The following SPATA13 variants were observed in gnomAD, a reference collection of about 807,000 sequenced individuals.
The protein encoded by SPATA13 is spermatogenesis associated 13, also known as spermatogenesis-associated protein 13.
A neutral mutation model predicts 104.0 loss-of-function variants in SPATA13; 50 were observed. That is an observed-to-expected ratio of 0.48 (90% CI 0.38 to 0.61). The LOEUF (loss-of-function observed/expected upper bound fraction) is 0.61, where lower values mean the gene tolerates loss of function less well. Among genes scored for constraint, SPATA13 ranks in the 20% least tolerant of loss-of-function variants. The probability of loss-of-function intolerance (pLI) is 0.00; values close to 1 mark genes in which losing one functional copy is unlikely to be tolerated. For missense variants in SPATA13, 1,524 were observed against 1,690.6 expected, an observed-to-expected ratio of 0.90 and a Z score of 1.73; for synonymous variants, 606 against 667.5, an observed-to-expected ratio of 0.91 and a Z score of 1.42.
In SPATA13 at chr13:24,271,173, T is replaced by A. The variant is rs190805665; in HGVS notation, c.2165-12962T>A. Among the ~76,000 whole-genome samples the A allele has an allele frequency of 2.3e-3, 356 of 152,064 alleles. 1 individual carries two copies. The highest frequency in any genetic ancestry group is 4.2e-3 in the Admixed American group (64 of 15,272). On this transcript the variant is annotated intron_variant, in intron 4 of 12. Coordinates refer to ENST00000382108, the MANE Select transcript of SPATA13 (RefSeq NM_001166271.3). The stretch of plus-strand genomic sequence containing the variant: ...TGTGGACATAGTCAGTTGAAGAAAT[T>A]GGTTTTGTTTATGGCACAGTTGCTT...
Position 24,011,686 on chromosome 13 carries a change from T to A in SPATA13, c.-146-5981T>A, listed in dbSNP as rs1876477281. On this transcript the variant is annotated intron_variant, in intron 2 of 14. Transcript: ENST00000424834. This position sits in a 1 kb window ranked among gnomAD's most constrained non-coding sequence, Gnocchi z 4.3. Reference sequence around the variant, plus strand: ...GTGGCTGAAAACACCAGGCTCTAACTCTACTAGTTAAGCAGGAGCCTGGGA... The same window carrying A: ...GTGGCTGAAAACACCAGGCTCTAACACTACTAGTTAAGCAGGAGCCTGGGA... Among the ~76,000 whole-genome samples, 1 of 152,300 alleles carries A rather than the reference T, an allele frequency of 6.6e-6. No individual in the cohort carries two copies. The highest frequency in any genetic ancestry group is 2.1e-4 in the South Asian group (1 of 4,826).
intron 10 of SPATA13, among the ~76,000 whole-genome samples, chr13:24,295,982 G>A (rs1228513496): frequency 6.6e-6 from 1 of 152,026 alleles, no homozygotes; most frequent in Non-Finnish European, 1.5e-5. Flanking sequence ...GTGCTCTACC[G>A]CCATTAAATT....
intron 4 of SPATA13, among the ~76,000 whole-genome samples, chr13:24,263,806 A>G (rs899597450): frequency 6.6e-6 from 1 of 152,246 alleles, no homozygotes; most frequent in African/African-American, 2.4e-5. Flanking sequence ...AAACGAGATG[A>G]ATCAATTCAC....
Position 24,208,257 on chromosome 13 carries a change from A to G in SPATA13, c.-111-14562A>G, listed in dbSNP as rs144451390. ...ACTGGGGAGTGATCAGCTTTCTTCCAGAAATTCCCTGTAATTGAGGGCTTT... is the reference window on the plus strand; with the variant it reads ...ACTGGGGAGTGATCAGCTTTCTTCCGGAAATTCCCTGTAATTGAGGGCTTT... On this transcript the variant is annotated intron_variant, in intron 1 of 12. Transcript: ENST00000382108. 1.7e-3 allele frequency among the ~76,000 whole-genome samples: 257 copies of G among 152,334 alleles called. 5 individuals are homozygous for G. In the East Asian group the frequency reaches 0.044, roughly 26 times the overall value.
chr13:24,043,378 A>T (rs1878005497), intron 3 of SPATA13, among the ~76,000 whole-genome samples: 1 of 152,200 alleles, frequency 6.6e-6, no homozygotes, highest in Admixed American at 6.5e-5. Context: ...TGGTCCCTGC[A>T]GCTTGATGGA....
In SPATA13 at chr13:24,224,351, TCAGAGCCCC is replaced by T. The variant is rs760508920; in HGVS notation, c.1432_1440del (p.Gln478_Pro480del). 1.0e-3 allele frequency: 1,551 copies of T among 1,551,466 alleles called. No homozygotes were observed. Among genetic ancestry groups the T allele is most frequent in the Non-Finnish European group, 1.2e-3 (1,323 of 1,146,946 alleles). On this transcript the variant is annotated inframe_deletion, in exon 2 of 13. Coordinates refer to ENST00000382108, the MANE Select transcript of SPATA13 (RefSeq NM_001166271.3). The stretch of plus-strand genomic sequence containing the variant: ...CCACCACACCCAAGCCCCAGAGCCC[TCAGAGCCCC>T]CAGAGCCCCGGGGCAGGAAGTGCCA...
chr13:24,050,595 G>A (rs1315349305), intron 3 of SPATA13, among the ~76,000 whole-genome samples: 1 of 152,200 alleles, frequency 6.6e-6, no homozygotes, highest in Non-Finnish European at 1.5e-5. Flanking sequence ...CATGGCAGCT[G>A]GCCAGGTCTC....
intron 3 of SPATA13, among the ~76,000 whole-genome samples, chr13:24,060,780 C>T (rs566356812): frequency 1.1e-4 from 17 of 152,246 alleles, no homozygotes; most frequent in African/African-American, 3.9e-4. Context: ...TGGACAAATG[C>T]GGCTGGGCAC....
intron 2 of SPATA13, among the ~76,000 whole-genome samples, chr13:24,237,853 A>G (rs1872640255): frequency 7.1e-6 from 1 of 141,494 alleles, no homozygotes; most frequent in South Asian, 2.2e-4. Context: ...TATATAAAAT[A>G]TATCACATAT....
At chr13:24,126,525 G>GTA (rs1408958783) in intron 3 of SPATA13, among the ~76,000 whole-genome samples, 1 of 152,056 alleles carries the variant, frequency 6.6e-6, no homozygotes, top group Non-Finnish European at 1.5e-5. Flanking sequence ...AAGCATTTAC[G>GTA]TATATATATT....
chr13:24,134,450 A>G (rs1398318339), intron 3 of SPATA13, among the ~76,000 whole-genome samples: 1 of 152,158 alleles, frequency 6.6e-6, no homozygotes, highest in Non-Finnish European at 1.5e-5. Context: ...TGCGCCTGCT[A>G]CATAGAGGTC....
intron 3 of SPATA13, among the ~76,000 whole-genome samples, chr13:24,120,349 A>G (rs1291185192): frequency 6.6e-6 from 1 of 152,188 alleles, no homozygotes; most frequent in Non-Finnish European, 1.5e-5. Context: ...TGGGTCACTA[A>G]CTTTGACACT....
At chr13:24,059,928 T>C (rs1221166281) in intron 3 of SPATA13, among the ~76,000 whole-genome samples, 3 of 152,240 alleles carry the variant, frequency 2.0e-5, no homozygotes, top group South Asian at 4.1e-4. Context: ...GTGCCAGTTT[T>C]CAAGGGGAAT....
chr13:24,258,243 A>AT (rs1312065695), intron 4 of SPATA13, among the ~76,000 whole-genome samples: 47 of 151,828 alleles, frequency 3.1e-4, no homozygotes, highest in Non-Finnish European at 6.3e-4. Flanking sequence ...CTCAAAAAAA[A>AT]AAAAATAAAA....
At chr13:24,184,193 A>G (rs183645972) in intron 1 of SPATA13, among the ~76,000 whole-genome samples, 12 of 152,282 alleles carry the variant, frequency 7.9e-5, no homozygotes, top group Non-Finnish European at 1.3e-4. Context: ...GCTTGCTGAG[A>G]ATGACTTATT....
At chr13:24,156,715 G>T (rs1882267223), upstream of SPATA13, among the ~76,000 whole-genome samples, 1 of 152,192 alleles carries the variant, frequency 6.6e-6, no homozygotes, top group East Asian at 1.9e-4. Context: ...TTGACCACGT[G>T]CCAGGCAGTG....
chr13:24,033,862 G>A (rs1200822897), intron 3 of SPATA13: 8 of 152,172 alleles, frequency 5.3e-5, no homozygotes, highest in Admixed American at 5.2e-4. Flanking sequence ...GCAACTTTTT[G>A]GCTATTAGAG....
At chr13:24,130,422 T>G (rs1438889749) in intron 3 of SPATA13, among the ~76,000 whole-genome samples, 1 of 152,100 alleles carries the variant, frequency 6.6e-6, no homozygotes, top group Non-Finnish European at 1.5e-5. Context: ...AGAGAAGGCA[T>G]GAATCAGAGA....
chr13:24,019,209 C>A lies in SPATA13; in HGVS notation c.-112+1508C>A, dbSNP rs939026416. 4.3e-3 allele frequency among the ~76,000 whole-genome samples: 649 copies of A among 150,212 alleles called. 5 individuals carry two copies. The highest frequency in any genetic ancestry group is 0.014 in the African/African-American group (594 of 41,128). On this transcript the variant is annotated intron_variant, in intron 3 of 14. Transcript: ENST00000424834. ...GTTCACGCCATTCTCCTGCCTCAGCCTCCCAAGTAGCTGGGACTACAGGCG... is the reference window on the plus strand; with the variant it reads ...GTTCACGCCATTCTCCTGCCTCAGCATCCCAAGTAGCTGGGACTACAGGCG...
Sources: allele counts gnomAD v4.1 joint callset (sites outside exome capture counted in the v4.1 genomes callset), GRCh38; gene constraint gnomAD v4.1.1; non-coding constraint Gnocchi (gnomAD v3.1); transcripts MANE v1.5; gene names NCBI Gene and HGNC (gene_info 2026-07-23, HGNC 2026-07-21).